The following QRICH1 variants were observed in gnomAD, a reference collection of about 807,000 sequenced individuals.
QRICH1 encodes the protein transcriptional regulator QRICH1.
QRICH1 carries 16 observed loss-of-function variants against 87.1 expected under a neutral mutation model. That is an observed-to-expected ratio of 0.18 (90% CI 0.12 to 0.28). The LOEUF is 0.28. QRICH1 is among the 10% of genes least tolerant of loss of function. The pLI is 1.00. For missense variants in QRICH1, 647 were observed against 951.7 expected (o/e 0.68, Z 4.21); for synonymous variants, 367 against 368.4 (o/e 1.00, Z 0.05).
At position 49,054,824 on chromosome 3, in the gene QRICH1, C is replaced by T. The variant is rs1353939642; in HGVS notation, c.1338+2038G>A. ...GGCTGAGGCGGGAGGATTTTATGAGCCCAGGAGTTAGAGGCTACAGTGAAT... is the reference window on the plus strand; with the variant it reads ...GGCTGAGGCGGGAGGATTTTATGAGTCCAGGAGTTAGAGGCTACAGTGAAT... On this transcript the variant is annotated intron_variant, in intron 3 of 9. Coordinates refer to ENST00000395443, the MANE Select transcript of QRICH1 (RefSeq NM_198880.3). Among the ~76,000 whole-genome samples, 4 of 152,004 alleles carry T rather than the reference C, an allele frequency of 2.6e-5. No individual in the cohort carries two copies. The East Asian group carries it at 7.7e-4, about 29-fold the overall frequency.
rs550132432 is a variant in QRICH1 at position 49,045,821 on chromosome 3, G to A, written c.1671+604C>T. ...TGCCTAGGCTGGTCTCAAACTCCTGGGGCTCAAGCGATCCTCCTGCCTTGA... is the reference window on the plus strand; with the variant it reads ...TGCCTAGGCTGGTCTCAAACTCCTGAGGCTCAAGCGATCCTCCTGCCTTGA... On this transcript the variant is annotated intron_variant, in intron 5 of 9. Coordinates refer to ENST00000395443, the MANE Select transcript of QRICH1 (RefSeq NM_198880.3). Among the ~76,000 whole-genome samples, 4 of 151,932 alleles carry A rather than the reference G, an allele frequency of 2.6e-5. No individual in the cohort carries two copies. The South Asian group carries it at 8.3e-4, about 32-fold the overall frequency.
intron 1 of QRICH1, among the ~76,000 whole-genome samples, chr3:49,085,584 G>T (rs190941767): frequency 6.6e-6 from 1 of 151,844 alleles, no homozygotes; most frequent in Non-Finnish European, 1.5e-5. Flanking sequence ...ATGAAACCCC[G>T]CCTCTACTAA....
intron 5 of QRICH1, among the ~76,000 whole-genome samples, chr3:49,044,820 C>T (rs1268349264): frequency 6.6e-6 from 1 of 152,082 alleles, no homozygotes; most frequent in Admixed American, 6.6e-5. Flanking sequence ...ATAAGTTAAA[C>T]AACATGTGCA....
At chr3:49,084,664 T>C (rs1163790950) in intron 1 of QRICH1, among the ~76,000 whole-genome samples, 1 of 151,896 alleles carries the variant, frequency 6.6e-6, no homozygotes, top group Admixed American at 6.6e-5. Flanking sequence ...CTCTAGAGGC[T>C]GAGGCAGGAG....
At chr3:49,066,228 C>A (rs535518836) in intron 2 of QRICH1, among the ~76,000 whole-genome samples, 92 of 151,922 alleles carry the variant, frequency 6.1e-4, no homozygotes, top group African/African-American at 2.1e-3. Context: ...GCAGAGGTTG[C>A]AGTGACACAA....
chr3:49,064,545 G>A (rs550876435), intron 2 of QRICH1, among the ~76,000 whole-genome samples: 1 of 152,036 alleles, frequency 6.6e-6, no homozygotes, highest in Admixed American at 6.6e-5. Context: ...GAGCCACCAC[G>A]CCTGGCCCAA....
chr3:49,074,338 C>T lies in QRICH1; in HGVS notation c.309+2371G>A, dbSNP rs187412384. Among the ~76,000 whole-genome samples, 11 of 151,828 alleles carry T rather than the reference C, an allele frequency of 7.2e-5. No homozygotes were observed. In the East Asian group the frequency reaches 1.9e-3, roughly 27 times the overall value. ...CTGTAATCCCAGCATTTTGGGAGGC[C>T]GAGGTGGGCGGATCATGAGGTCAGG... On this transcript the variant is annotated intron_variant, in intron 2 of 9. Coordinates refer to ENST00000395443, the MANE Select transcript of QRICH1 (RefSeq NM_198880.3).
intron 1 of QRICH1, among the ~76,000 whole-genome samples, chr3:49,085,420 A>C (rs1405257769): frequency 6.6e-6 from 1 of 151,964 alleles, no homozygotes; most frequent in African/African-American, 2.4e-5. Context: ...CAGACACGTA[A>C]TTCTGGTTGA....
chr3:49,052,730 C>A (rs1028476550), intron 3 of QRICH1, among the ~76,000 whole-genome samples: 10 of 152,118 alleles, frequency 6.6e-5, no homozygotes, highest in African/African-American at 2.4e-4. Context: ...GTCTTTAACT[C>A]CTGACCTCGT....
chr3:49,072,110 C>G (rs1023712380), intron 2 of QRICH1, among the ~76,000 whole-genome samples: 19 of 151,932 alleles, frequency 1.3e-4, no homozygotes, highest in Admixed American at 1.1e-3. Context: ...GTTGGCAGAT[C>G]ACTTAAAGTC....
At position 49,030,380 on chromosome 3, in the gene QRICH1, G is replaced by A. The variant is rs1234412172; in HGVS notation, c.*72C>T. On this transcript the variant is annotated 3_prime_UTR_variant, in exon 10 of 10. Coordinates refer to ENST00000395443, the MANE Select transcript of QRICH1 (RefSeq NM_198880.3). Reference sequence around the variant, plus strand: ...TAAAAAAAAGAAAAAAAAAAATGGAGGCCTCTTCTTTAGTGTGAAAGTCTG... The same window carrying A: ...TAAAAAAAAGAAAAAAAAAAATGGAAGCCTCTTCTTTAGTGTGAAAGTCTG... 10 of 1,395,000 alleles carry A rather than the reference G, an allele frequency of 7.2e-6. No individual in the cohort carries two copies. The highest frequency in any genetic ancestry group is 8.8e-6 in the Non-Finnish European group (9 of 1,017,146). 86.4% of individuals were successfully genotyped at this position (1,395,000 alleles called of 1,614,324 possible).
At chr3:49,044,723 G>A (rs1437026292) in intron 5 of QRICH1, among the ~76,000 whole-genome samples, 1 of 152,130 alleles carries the variant, frequency 6.6e-6, no homozygotes, top group African/African-American at 2.4e-5. Context: ...CAGATGTTGT[G>A]AATGCTATTT....
intron 2 of QRICH1, among the ~76,000 whole-genome samples, chr3:49,071,745 T>C (rs952782646): frequency 2.0e-5 from 3 of 152,150 alleles, no homozygotes; most frequent in African/African-American, 4.8e-5. Context: ...AAGGCTAGAG[T>C]GCAGTGGCAC....
intron 3 of QRICH1, among the ~76,000 whole-genome samples, chr3:49,053,742 A>C (rs2093385663): frequency 6.6e-6 from 1 of 152,138 alleles, no homozygotes; most frequent in Admixed American, 6.6e-5. Flanking sequence ...TGGTGTGAGG[A>C]AGTGAGATTT....
chr3:49,030,740 G>A (rs935120542), intron 9 of QRICH1, 96 bp from the exon 10 acceptor site: 3 of 1,106,818 alleles, frequency 2.7e-6, no homozygotes, highest in South Asian at 1.7e-5. Context: ...AAACAGTAAG[G>A]CCCCAAGTTA....
At chr3:49,079,507 AAT>A (rs2042018181) in intron 1 of QRICH1, among the ~76,000 whole-genome samples, 1 of 148,124 alleles carries the variant, frequency 6.8e-6, no homozygotes, top group South Asian at 2.1e-4. Context: ...ATAATAATTA[AAT>A]ATTATAACAA....
chr3:49,061,725 GC>G (rs1432252363), intron 2 of QRICH1, among the ~76,000 whole-genome samples: 1 of 152,106 alleles, frequency 6.6e-6, no homozygotes, highest in Non-Finnish European at 1.5e-5. Flanking sequence ...GGTGGTGCAT[GC>G]CTGTAATCCC....
chr3:49,044,342 TCTTAAATCCAGG>T, intron 6 of QRICH1, 36 bp downstream of exon 6: 1 of 1,425,286 alleles, frequency 7.0e-7, no homozygotes. Flanking sequence ...TATTGATCTT[TCTTAAATCCAGG>T]TAGGAAAGAT....
rs956001729 is a variant in QRICH1, at chr3:49,032,435, C to T, written c.2048-162G>A. The T allele has an allele frequency of 3.3e-5, 28 of 857,760 alleles. No individual in the cohort carries two copies. In the Admixed American group the frequency reaches 7.5e-4, roughly 23 times the overall value. The allele number at this position is 857,760 out of a possible 1,614,324, so 53.1% of individuals were successfully genotyped here. On this transcript the variant is annotated intron_variant, in intron 8 of 9. Transcript: ENST00000395443. ...CAGTGACTACTAAGGGAAGAGGCAG[C>T]TATTCTGTCTGGGGCTTCTCTGCTT...
Sources: gnomAD v4.1 joint callset for allele counts (sites outside exome capture counted in the v4.1 genomes callset) on GRCh38, gnomAD v4.1.1 for gene constraint, MANE v1.5 for transcripts, NCBI Gene and HGNC (gene_info 2026-07-23, HGNC 2026-07-21) for gene names.